BICRAL: variants seen among roughly 807,000 people sequenced by gnomAD.
The protein encoded by BICRAL is BRD4-interacting chromatin-remodeling complex-associated protein-like.
In BICRAL, 8 loss-of-function variants were observed where a neutral mutation model predicts 91.8. That is an observed-to-expected ratio of 0.09 (90% confidence interval 0.05 to 0.16). The LOEUF (loss-of-function observed/expected upper bound fraction) is 0.16, where lower values mean the gene tolerates loss of function less well. Ranked by LOEUF, BICRAL falls within the 10% of genes least tolerant of loss-of-function variation. The pLI, the probability that BICRAL is intolerant of heterozygous loss-of-function variation, is 1.00. For missense variants in BICRAL, 1,038 were observed against 1,310.9 expected (o/e 0.79, Z 3.21); for synonymous variants, 445 against 491.1 (o/e 0.91, Z 1.24).
Position 42,865,140 on chromosome 6 carries a change from G to T in BICRAL, c.2934G>T (p.Arg978Ser), listed in dbSNP as rs146540703. 1.6e-5 allele frequency: 26 copies of T among 1,613,982 alleles called. No homozygotes were observed. Among genetic ancestry groups the T allele is most frequent in the Non-Finnish European group, 2.1e-5 (25 of 1,180,014 alleles). ...ATTCCTTCCAGGACAAAAGTCTGAG[G>T]AATTCTCCAAAGAATGAAGTTTTAC... ...CNNSFQDKSLRNSPKNEVLHT... is the reference protein window; with the variant it reads ...CNNSFQDKSLSNSPKNEVLHT... The change falls in exon 13 of 13, where the codon AGG becomes AGT. Residue 978 changes from arginine (R) to serine (S), a missense_variant. By Grantham distance (110) the Arg-to-Ser change is moderately radical (BLOSUM62 -1). This residue lies in a region of BICRAL where 92 missense variants were observed against 147.8 expected (regional missense o/e 0.62). Transcript: ENST00000314073.
rs1463502298 is a variant in BICRAL at position 42,860,246 on chromosome 6, C to T, written c.2255-16C>T. On this transcript the variant is annotated splice_polypyrimidine_tract_variant and intron_variant, in intron 10 of 12. Transcript: ENST00000314073. ...TTACAGTCTCTCACTATTTCTTTGT[C>T]TCTCTCTTTTTAAAGTGGACAATGA... is the stretch of plus-strand genomic sequence containing the variant. 6.9e-7 allele frequency: 1 copy of T among 1,455,722 alleles called. No homozygotes were observed. The highest frequency in any genetic ancestry group is 9.6e-7 in the Non-Finnish European group (1 of 1,037,570). 90.2% of individuals were successfully genotyped at this position (1,455,722 alleles called of 1,614,324 possible). A position where few individuals can be genotyped will look rare whatever the true frequency, so the allele number is the denominator to read the frequency against.
chr6:42,773,270 G>A (rs545641341), intron 1 of BICRAL, among the ~76,000 whole-genome samples: 1 of 152,016 alleles, frequency 6.6e-6, no homozygotes, highest in Non-Finnish European at 1.5e-5. Flanking sequence ...TAGAGACAAG[G>A]TTTCGCCATT....
At position 42,770,071 on chromosome 6, in the gene BICRAL, C is replaced by T. The variant is rs1253830919; in HGVS notation, c.-260-11768C>T. The stretch of plus-strand genomic sequence containing the variant: ...GCAAAGCCCCTCATCATCTGCCTGT[C>T]CCCCTCATTTATATTTAAGGACTTT... On this transcript the variant is annotated intron_variant, in intron 1 of 14. Coordinates refer to the BICRAL transcript ENST00000614467. Among the ~76,000 whole-genome samples the T allele has an allele frequency of 2.0e-5, 3 of 152,204 alleles. No homozygotes were observed. The East Asian group carries it at 5.8e-4, about 29-fold the overall frequency.
At chr6:42,753,329 G>A (rs1762409376) in intron 1 of BICRAL, among the ~76,000 whole-genome samples, 1 of 152,116 alleles carries the variant, frequency 6.6e-6, no homozygotes, top group South Asian at 2.1e-4. Flanking sequence ...CTTCCAAAGT[G>A]CTGGGATTAC....
intron 7 of BICRAL, among the ~76,000 whole-genome samples, chr6:42,852,654 T>G (rs1342988003): frequency 2.3e-5 from 3 of 132,864 alleles, no homozygotes; most frequent in Non-Finnish European, 3.1e-5. Flanking sequence ...AGGGCGAGAC[T>G]CTGTCTCAAA....
intron 2 of BICRAL, among the ~76,000 whole-genome samples, chr6:42,817,194 T>C (rs1764019112): frequency 6.6e-6 from 1 of 151,130 alleles, no homozygotes; most frequent in African/African-American, 2.4e-5. Flanking sequence ...GTGTGTGTAT[T>C]TCCCCCACAC....
At chr6:42,814,521 T>TATATATATA (rs1562475045) in intron 2 of BICRAL, among the ~76,000 whole-genome samples, 9 of 34,866 alleles carry the variant, frequency 2.6e-4, no homozygotes, top group African/African-American at 1.2e-3. Context: ...ATATATATAT[T>TATATATATA]TTTTTTTTTT....
intron 1 of BICRAL, among the ~76,000 whole-genome samples, chr6:42,759,782 G>A (rs933263446): frequency 3.3e-5 from 5 of 152,096 alleles, no homozygotes; most frequent in African/African-American, 4.8e-5. Context: ...TCTGGGTTTC[G>A]CCCTCTGTTG....
intron 6 of BICRAL, among the ~76,000 whole-genome samples, chr6:42,833,345 G>A (rs1402960853): frequency 1.3e-5 from 2 of 152,144 alleles, no homozygotes; most frequent in East Asian, 1.9e-4. Flanking sequence ...ACCGCGCCCG[G>A]CCCAGGCTAG....
chr6:42,749,930 G>A (rs2152018218), intron 1 of BICRAL, among the ~76,000 whole-genome samples: 1 of 149,626 alleles, frequency 6.7e-6, no homozygotes, highest in East Asian at 2.0e-4. Flanking sequence ...TCTCAGCTCT[G>A]TGCAACCTCT....
chr6:42,766,606 G>A (rs1452724484), intron 1 of BICRAL, among the ~76,000 whole-genome samples: 4 of 151,840 alleles, frequency 2.6e-5, no homozygotes, highest in African/African-American at 9.7e-5. Flanking sequence ...TTGGGAGGCC[G>A]AGCGGGTGGA....
intron 6 of BICRAL, among the ~76,000 whole-genome samples, chr6:42,842,979 G>A (rs1032685002): frequency 6.6e-6 from 1 of 151,346 alleles, no homozygotes; most frequent in Non-Finnish European, 1.5e-5. Flanking sequence ...TCAGCCTCCC[G>A]AGTAGCTGGG....
upstream of BICRAL, among the ~76,000 whole-genome samples, chr6:42,779,924 T>A (rs1185542994): frequency 6.6e-6 from 1 of 152,068 alleles, no homozygotes; most frequent in African/African-American, 2.4e-5. Context: ...CCAGATCTTT[T>A]TTATTATTTT....
At chr6:42,767,495 C>T (rs894368226) in intron 1 of BICRAL, among the ~76,000 whole-genome samples, 4 of 152,194 alleles carry the variant, frequency 2.6e-5, no homozygotes, top group Admixed American at 2.0e-4. Flanking sequence ...CCAGGGAACA[C>T]TTGTCCATGC....
chr6:42,788,985 A>G (rs929514358), intron 1 of BICRAL, among the ~76,000 whole-genome samples: 1 of 152,106 alleles, frequency 6.6e-6, no homozygotes, highest in African/African-American at 2.4e-5. Context: ...TTTGCCCTGC[A>G]GGTTTGACAG....
At chr6:42,806,966 G>A (rs1763725613) in intron 1 of BICRAL, among the ~76,000 whole-genome samples, 1 of 151,682 alleles carries the variant, frequency 6.6e-6, no homozygotes, top group African/African-American at 2.4e-5. Context: ...AAGTAGCTGG[G>A]ATTACAGGTA....
Position 42,809,707 on chromosome 6 carries a change from C to T in BICRAL, c.-101-599C>T, listed in dbSNP as rs138623369. On this transcript the variant is annotated intron_variant, in intron 1 of 12. Transcript: ENST00000314073. ...CCCAGGCTGGTCTCCAACTCCCGAG[C>T]TCAACCGATCCACCTGCCTCAGCCT... Among the ~76,000 whole-genome samples the T allele has an allele frequency of 7.2e-3, 1,101 of 152,110 alleles. 6 individuals are homozygous for T. Among genetic ancestry groups the T allele is most frequent in the African/African-American group, 0.023 (961 of 41,506 alleles).
chr6:42,851,760 A>G (rs1211341094), intron 6 of BICRAL, among the ~76,000 whole-genome samples: 1 of 152,186 alleles, frequency 6.6e-6, no homozygotes, highest in African/African-American at 2.4e-5. Flanking sequence ...CAGGCAGGAT[A>G]TAAGGTTACT....
chr6:42,829,202 C>T lies in BICRAL; in HGVS notation c.869C>T (p.Ser290Phe). The T allele has an allele frequency of 6.2e-7, 1 of 1,614,198 alleles. No individual in the cohort carries two copies. The highest frequency in any genetic ancestry group is 1.1e-5 in the South Asian group (1 of 91,092). ...TTTAACAGCACAAATTTTCAAACAT[C>T]TTTACCTGTGCATAACATCATCATA... ...VPFNSTNFQT[S>F]LPVHNIIIQR... Residue 290 changes from serine to phenylalanine, a missense_variant, in exon 6 of 13, where the codon TCT (serine) becomes TTT (phenylalanine). By Grantham distance (155) the Ser-to-Phe change is radical. This residue lies in a region of BICRAL where 532 missense variants were observed against 724.9 expected (regional missense o/e 0.73). Transcript: ENST00000314073.
Sources: gnomAD v4.1 joint callset for allele counts (sites outside exome capture counted in the v4.1 genomes callset) on GRCh38, gnomAD v4.1.1 for gene constraint, gnomAD v4.1.1 regional missense constraint, MANE v1.5 for transcripts, NCBI Gene and HGNC (gene_info 2026-07-23, HGNC 2026-07-21) for gene names.